Variants in SETD3 observed in about 807,000 individuals in gnomAD.
The protein encoded by SETD3 is SET domain containing 3, actin N3(tau)-histidine methyltransferase.
Under a neutral mutation model 63.0 loss-of-function variants are expected in SETD3, and 19 were observed. That is an observed-to-expected ratio of 0.30 (90% CI 0.21 to 0.44). The LOEUF (loss-of-function observed/expected upper bound fraction) is 0.44. SETD3 is among the 20% of genes least tolerant of loss of function. SETD3 has a pLI of 1.00. For missense variants in SETD3, 587 were observed against 728.5 expected, an observed-to-expected ratio of 0.81 and a Z score of 2.24; for synonymous variants, 286 against 264.1, an observed-to-expected ratio of 1.08 and a Z score of -0.80.
chr14:99,410,025 C>T (rs189458525), intron 8 of SETD3: 98 of 496,568 alleles, frequency 2.0e-4, no homozygotes, highest in African/African-American at 1.5e-3. Flanking sequence ...CAGAAACAAG[C>T]GGATCTGGAC....
intron 4 of SETD3, 22 bp downstream of exon 4, chr14:99,461,170 G>C (rs770119766): frequency 4.3e-6 from 7 of 1,613,220 alleles, no homozygotes; most frequent in Non-Finnish European, 5.9e-6. Context: ...GACCCCTTGA[G>C]ACCAACATTT....
At chr14:99,481,610 C>G (rs1330607448), upstream of SETD3, 1 of 394,462 alleles carries the variant, frequency 2.5e-6, no homozygotes, top group Non-Finnish European at 4.5e-6. Context: ...CTCCGCTAAC[C>G]TCCGGTACAC....
chr14:99,426,135 T>C (rs1892870391), intron 6 of SETD3, among the ~76,000 whole-genome samples: 1 of 152,190 alleles, frequency 6.6e-6, no homozygotes, highest in Non-Finnish European at 1.5e-5. Flanking sequence ...CCCATCCACT[T>C]AGCCAAATCC....
At chr14:99,408,587 T>C (rs1891809104) in intron 8 of SETD3, among the ~76,000 whole-genome samples, 2 of 152,002 alleles carry the variant, frequency 1.3e-5, no homozygotes, top group South Asian at 2.1e-4. Flanking sequence ...GAGAAAGGAT[T>C]ATGGGTGTTT....
At chr14:99,474,035 A>C (rs1895840673) in intron 1 of SETD3, among the ~76,000 whole-genome samples, 1 of 152,310 alleles carries the variant, frequency 6.6e-6, no homozygotes, top group Non-Finnish European at 1.5e-5. Flanking sequence ...TAAAAGAGGA[A>C]CTGGGCCAGG....
At chr14:99,481,632 C>A, upstream of SETD3, 1 of 390,440 alleles carries the variant, frequency 2.6e-6, no homozygotes, top group South Asian at 1.4e-4. Context: ...TTGAACTTTG[C>A]GGGCGACGCG....
chr14:99,470,544 TC>T (rs916140497), intron 1 of SETD3, among the ~76,000 whole-genome samples: 67 of 152,120 alleles, frequency 4.4e-4, no homozygotes, highest in African/African-American at 1.6e-3. Flanking sequence ...CTCAATCTGT[TC>T]CCCCCAAAAA....
chr14:99,404,850 TCATTA>T (rs1443625418), intron 10 of SETD3, among the ~76,000 whole-genome samples: 2 of 152,202 alleles, frequency 1.3e-5, no homozygotes, highest in African/African-American at 4.8e-5. Flanking sequence ...GATCATGACT[TCATTA>T]CAGAAACTAA....
rs181783646 is a variant in SETD3 at position 99,472,633 on chromosome 14, A to G, written c.-8-6820T>C. ...TGTTTATTTTCAATAATTATTTCCAATATTTATATTAGGAAAATATAAATG... is the reference window on the plus strand; with the variant it reads ...TGTTTATTTTCAATAATTATTTCCAGTATTTATATTAGGAAAATATAAATG... On this transcript the variant is annotated intron_variant, in intron 1 of 12. Transcript: ENST00000331768. Among the ~76,000 whole-genome samples the G allele has an allele frequency of 7.7e-4, 118 of 152,336 alleles. 1 individual carries two copies. The highest frequency in any genetic ancestry group is 9.7e-4 in the Non-Finnish European group (66 of 68,020).
intron 8 of SETD3, among the ~76,000 whole-genome samples, chr14:99,407,206 T>A (rs1273674901): frequency 1.3e-5 from 2 of 152,206 alleles, no homozygotes; most frequent in Non-Finnish European, 2.9e-5. Context: ...TGTGAGAGTT[T>A]CTAAGTCCAT....
chr14:99,439,648 T>C (rs1280271076), intron 6 of SETD3, among the ~76,000 whole-genome samples: 2 of 147,944 alleles, frequency 1.4e-5, no homozygotes, highest in Non-Finnish European at 3.0e-5. Flanking sequence ...TATATACATA[T>C]ATAAATATGT....
intron 1 of SETD3, among the ~76,000 whole-genome samples, chr14:99,479,758 C>T (rs941185424): frequency 6.6e-6 from 1 of 152,206 alleles, no homozygotes; most frequent in African/African-American, 2.4e-5. Context: ...ATTGATTTGT[C>T]AGCATACTTT....
chr14:99,484,050 T>C (rs554889835), upstream of SETD3, among the ~76,000 whole-genome samples: 2 of 152,312 alleles, frequency 1.3e-5, no homozygotes, highest in South Asian at 2.1e-4. Context: ...AAATAAAAAA[T>C]AAATAAATTT....
At chr14:99,403,430 T>TAC (rs762669151) in intron 11 of SETD3, among the ~76,000 whole-genome samples, 1,390 of 133,058 alleles carry the variant, frequency 0.01, 10 homozygotes, top group African/African-American at 0.017. Flanking sequence ...CAGCAAAACA[T>TAC]ACACACACAC....
intron 6 of SETD3, among the ~76,000 whole-genome samples, chr14:99,415,048 G>C (rs1230635945): frequency 2.0e-5 from 3 of 152,190 alleles, no homozygotes; most frequent in African/African-American, 7.2e-5. Context: ...AAAAGCTTGT[G>C]CTCAGTGCGC....
At chr14:99,478,420 C>T (rs1193495480) in intron 1 of SETD3, among the ~76,000 whole-genome samples, 2 of 152,142 alleles carry the variant, frequency 1.3e-5, no homozygotes, top group South Asian at 2.1e-4. Context: ...GATAAATAAC[C>T]TCTCAGAGAA....
At chr14:99,413,329 C>T in intron 7 of SETD3, 1 of 386,292 alleles carries the variant, frequency 2.6e-6, no homozygotes, top group Admixed American at 4.2e-5. Flanking sequence ...AGGGCTCAGG[C>T]CCCTTCCCGG....
At chr14:99,440,735 GAAA>G (rs34715965) in intron 6 of SETD3, among the ~76,000 whole-genome samples, 1 of 133,702 alleles carries the variant, frequency 7.5e-6, no homozygotes, top group African/African-American at 2.8e-5. Context: ...AACACTGGGT[GAAA>G]AAAAAAAAAG....
chr14:99,412,848 C>A, intron 8 of SETD3, 103 bp downstream of exon 8: 1 of 795,216 alleles, frequency 1.3e-6, no homozygotes, highest in Non-Finnish European at 2.2e-6. Context: ...TGGAGGGAGG[C>A]AACGGGGGGA....
Sources: allele counts gnomAD v4.1 joint callset (sites outside exome capture counted in the v4.1 genomes callset), GRCh38; gene constraint gnomAD v4.1.1; transcripts MANE v1.5; gene names NCBI Gene and HGNC (gene_info 2026-07-23, HGNC 2026-07-21).